The following EPC1 variants were observed in gnomAD, a reference collection of about 807,000 sequenced individuals.
The protein encoded by EPC1 is enhancer of polycomb 1, also known as enhancer of polycomb homolog 1.
Under a neutral mutation model 98.4 loss-of-function variants are expected in EPC1, and 12 were observed. The ratio of observed to expected loss-of-function variants is 0.12; its 90% CI spans 0.08 to 0.20. EPC1 has a LOEUF of 0.20. EPC1 is among the 10% of genes least tolerant of loss of function. EPC1 has a pLI of 1.00. For missense variants in EPC1, 729 were observed against 990.5 expected (o/e 0.74, Z 3.54); for synonymous variants, 357 against 363.9 (o/e 0.98, Z 0.21).
At chr10:32,285,313 C>T (rs867470460) in intron 9 of EPC1, 12 of 367,270 alleles carry the variant, frequency 3.3e-5, no homozygotes, top group Middle Eastern at 7.7e-4. Context: ...TAAAATGTTG[C>T]GAACACATTT....
In EPC1 at chr10:32,364,059, G is replaced by A. The variant is rs1186320102; in HGVS notation, c.3+14432C>T. Among the ~76,000 whole-genome samples the A allele has an allele frequency of 4.3e-5, 5 of 117,290 alleles. No homozygotes were observed. In the Admixed American group the frequency reaches 4.6e-4, roughly 11 times the overall value. The allele number at this position is 117,290 out of a possible 152,430, so 76.9% of individuals were successfully genotyped here. On this transcript the variant is annotated intron_variant, in intron 1 of 13. Coordinates refer to the EPC1 transcript ENST00000375110. ...GATGGAGTTTCACTCTTGTCACCCA[G>A]GCTGGAGTGCAATGGCGTGATCTCG...
chr10:32,294,826 G>A lies in EPC1; in HGVS notation c.314-1089C>T, dbSNP rs1036796428. Reference sequence around the variant, plus strand: ...GTCCACATCTTTAGAATGGTATAAGGCCCTTTTTTCCTATTCTCTCCAGTG... The same window carrying A: ...GTCCACATCTTTAGAATGGTATAAGACCCTTTTTTCCTATTCTCTCCAGTG... On this transcript the variant is annotated intron_variant, in intron 2 of 13. Transcript: ENST00000319778. Among the ~76,000 whole-genome samples the A allele has an allele frequency of 7.9e-5, 12 of 151,738 alleles. No homozygotes were observed. The South Asian group carries it at 1.7e-3, about 21-fold the overall frequency.
At chr10:32,359,908 A>G (rs1206510748) in intron 1 of EPC1, among the ~76,000 whole-genome samples, 1 of 152,104 alleles carries the variant, frequency 6.6e-6, no homozygotes, top group East Asian at 1.9e-4. Context: ...TGTATCATTT[A>G]TGTTGGTATC....
Position 32,269,065 on chromosome 10 carries a change from A to G in EPC1, c.2440T>C (p.Ter814GlnextTer13). The change falls in exon 14 of 14, where the codon TAG becomes CAG. Residue 814 changes from the stop codon to glutamine, a stop_lost. Coordinates refer to ENST00000319778, the MANE Select transcript of EPC1 (RefSeq NM_001272004.3). ...ADNTVAMEVT[*>Q] The stretch of plus-strand genomic sequence containing the variant: ...GCTGCAGTTCCACTCGGAGGAAGCT[A>G]CGTCACCTCCATCGCTACTGTGTTG... 1.2e-6 allele frequency: 2 copies of G among 1,613,426 alleles called. No individual in the cohort carries two copies. Among genetic ancestry groups the G allele is most frequent in the Non-Finnish European group, 1.7e-6 (2 of 1,179,492 alleles).
At chr10:32,361,258 A>G (rs1371506496) in intron 1 of EPC1, among the ~76,000 whole-genome samples, 1 of 152,186 alleles carries the variant, frequency 6.6e-6, no homozygotes, top group Non-Finnish European at 1.5e-5. Context: ...GTAAACATGA[A>G]TGAGATTTAT....
At position 32,268,996 on chromosome 10, in the gene EPC1, C is replaced by T. The variant is rs1295578135; in HGVS notation, c.*67G>A. The T allele has an allele frequency of 7.6e-6, 10 of 1,320,610 alleles. No homozygotes were observed. The highest frequency in any genetic ancestry group is 4.7e-5 in the East Asian group (2 of 42,794). The allele number at this position is 1,320,610 out of a possible 1,614,324, so 81.8% of individuals were successfully genotyped here. ...ATGTGCTGCTTTCCATCATCCCTTG[C>T]ATTCAAAATGCTACTGATGCATAGC... On this transcript the variant is annotated 3_prime_UTR_variant, in exon 14 of 14. Coordinates refer to ENST00000319778, the MANE Select transcript of EPC1 (RefSeq NM_001272004.3).
At chr10:32,360,373 A>G (rs1410612801) in intron 1 of EPC1, among the ~76,000 whole-genome samples, 1 of 152,186 alleles carries the variant, frequency 6.6e-6, no homozygotes, top group Non-Finnish European at 1.5e-5. Context: ...TGGTCAAGCT[A>G]GCTCCCAGGG....
chr10:32,331,439 TAGAG>T (rs1332229816), intron 1 of EPC1, among the ~76,000 whole-genome samples: 1 of 151,910 alleles, frequency 6.6e-6, no homozygotes, highest in Non-Finnish European at 1.5e-5. Flanking sequence ...ACTTTCAGAT[TAGAG>T]AGAAGAAATT....
At chr10:32,346,097 T>A (rs182408227) in intron 1 of EPC1, among the ~76,000 whole-genome samples, 1 of 152,218 alleles carries the variant, frequency 6.6e-6, no homozygotes, top group South Asian at 2.1e-4. Flanking sequence ...GTAAGTCTTA[T>A]CTTCTAGAAA....
chr10:32,278,373 T>G (rs1179253896), intron 10 of EPC1, among the ~76,000 whole-genome samples: 83 of 7,944 alleles, frequency 0.01, 1 homozygote, highest in Non-Finnish European at 0.014. Flanking sequence ...TTTTTTTTGT[T>G]TTTTTTTTTT....
At chr10:32,293,493 GA>G (rs1834966830) in intron 3 of EPC1, 98 bp downstream of exon 3, 1 of 1,139,630 alleles carries the variant, frequency 8.8e-7, no homozygotes, top group African/African-American at 1.6e-5. Flanking sequence ...TCTAAAGCCT[GA>G]CTGATTACCC....
At chr10:32,322,996 T>C (rs1483686443) in intron 1 of EPC1, among the ~76,000 whole-genome samples, 1 of 151,704 alleles carries the variant, frequency 6.6e-6, no homozygotes, top group Non-Finnish European at 1.5e-5. Context: ...GGAACTGGAA[T>C]GTTCCTAACA....
chr10:32,335,417 C>T (rs970030459), intron 1 of EPC1, among the ~76,000 whole-genome samples: 2 of 152,058 alleles, frequency 1.3e-5, no homozygotes, highest in African/African-American at 4.8e-5. Flanking sequence ...TCAGTGATCC[C>T]TCATCTTGCC....
chr10:32,291,079 T>G, intron 6 of EPC1, 84 bp downstream of exon 6: 1 of 1,290,830 alleles, frequency 7.7e-7, no homozygotes, highest in Non-Finnish European at 1.1e-6. Flanking sequence ...GCCCGGCCTA[T>G]GTGTGTTTTT....
At chr10:32,363,673 T>TA (rs1327188475) in intron 1 of EPC1, among the ~76,000 whole-genome samples, 19 of 38,604 alleles carry the variant, frequency 4.9e-4, no homozygotes, top group Non-Finnish European at 1.8e-3. Flanking sequence ...CACACACATG[T>TA]ATATATACGC....
chr10:32,333,069 C>T (rs543700337), intron 1 of EPC1, among the ~76,000 whole-genome samples: 3 of 152,268 alleles, frequency 2.0e-5, no homozygotes, highest in African/African-American at 4.8e-5. Flanking sequence ...TGGCTGGGCG[C>T]GGTGGCTCAC....
intron 6 of EPC1, among the ~76,000 whole-genome samples, chr10:32,289,789 A>G (rs1592553392): frequency 6.6e-6 from 1 of 151,350 alleles, no homozygotes; most frequent in African/African-American, 2.4e-5. Flanking sequence ...ACGCCCGGCT[A>G]TTTTTTTTGT....
At chr10:32,311,014 A>C (rs1836180881) in intron 1 of EPC1, among the ~76,000 whole-genome samples, 1 of 152,214 alleles carries the variant, frequency 6.6e-6, no homozygotes, top group Admixed American at 6.5e-5. Context: ...AGATTTAAAG[A>C]ACAGGAAAAA....
intron 1 of EPC1, 50 bp downstream of exon 1, chr10:32,346,713 G>C (rs749390880): frequency 6.4e-7 from 1 of 1,557,466 alleles, no homozygotes; most frequent in Non-Finnish European, 8.8e-7. Flanking sequence ...GCCGCAGGCA[G>C]CAGAGGGAGC....
Sources: allele counts gnomAD v4.1 joint callset (sites outside exome capture counted in the v4.1 genomes callset), GRCh38; gene constraint gnomAD v4.1.1; transcripts MANE v1.5; gene names NCBI Gene and HGNC (gene_info 2026-07-23, HGNC 2026-07-21).